Variants in ESAM observed in about 807,000 individuals in gnomAD.
The protein encoded by ESAM is endothelial cell-selective adhesion molecule.
In ESAM, 23 loss-of-function variants were observed where a neutral mutation model predicts 31.8. The observed-to-expected ratio is 0.72, with a 90% confidence interval of 0.52 to 1.03. The LOEUF is 1.03. ESAM is among the 50% of genes least tolerant of loss of function. ESAM has a pLI of 0.00. For missense variants in ESAM, 478 were observed against 488.9 expected (o/e 0.98, Z 0.21); for synonymous variants, 216 against 207.2 (o/e 1.04, Z -0.37).
intron 2 of ESAM, chr11:124,757,580 C>T (rs1591429550): frequency 6.6e-6 from 1 of 151,882 alleles, no homozygotes; most frequent in Non-Finnish European, 1.5e-5. Flanking sequence ...CCCCTTGGCT[C>T]TCAAGGTGGT....
intron 1 of ESAM, among the ~76,000 whole-genome samples, chr11:124,760,851 C>T (rs1349645070): frequency 6.6e-6 from 1 of 152,184 alleles, no homozygotes; most frequent in African/African-American, 2.4e-5. Flanking sequence ...GGGTGGAATG[C>T]AGAAGGAACA....
Position 124,755,551 on chromosome 11 carries a change from G to C in ESAM, c.607+656C>G, listed in dbSNP as rs116763526. ...AGGTAATAAGTAGTATTTTTAAAAA[G>C]AAAAAGCTACTATTATAAAAATGGT... On this transcript the variant is annotated intron_variant, in intron 4 of 6. Transcript: ENST00000278927. Among the ~76,000 whole-genome samples the C allele has an allele frequency of 8.9e-3, 1,346 of 152,090 alleles. 21 individuals are homozygous for C. Among genetic ancestry groups the C allele is most frequent in the African/African-American group, 0.031 (1,275 of 41,488 alleles).
rs555467333 is a variant in ESAM, at chr11:124,753,348, G to A, written c.*298C>T. The A allele has an allele frequency of 7.4e-6, 3 of 407,106 alleles. No homozygotes were observed. Among genetic ancestry groups the A allele is most frequent in the African/African-American group, 4.1e-5 (2 of 48,938 alleles). The allele number at this position is 407,106 out of a possible 1,614,324, so 25.2% of individuals were successfully genotyped here. A position where few individuals can be genotyped will look rare whatever the true frequency, so the allele number is the denominator to read the frequency against. On this transcript the variant is annotated 3_prime_UTR_variant, in exon 7 of 7. Transcript: ENST00000278927. ...ATCAAGGGGGCCTGGGAGACTCAGT[G>A]ACTGGAAGTCTCTGCCCCTCACTCT...
rs1466372501 is a variant in ESAM, at chr11:124,755,629, ATCCAACAGTTGCTAACTTTTTGCC to A, written c.607+554_607+577del. Among the ~76,000 whole-genome samples the A allele has an allele frequency of 1.7e-3, 252 of 152,298 alleles. 2 individuals carry two copies. Among genetic ancestry groups the A allele is most frequent in the African/African-American group, 5.8e-3 (243 of 41,566 alleles). ...GAAAATCCATATTCCCACAACCTAG[ATCCAACAGTTGCTAACTTTTTGCC>A]ATATTTATTTGATTTCTTTCTTTTA... On this transcript the variant is annotated intron_variant, in intron 4 of 6. Transcript: ENST00000278927.
At chr11:124,760,806 G>C (rs1018122859) in intron 1 of ESAM, among the ~76,000 whole-genome samples, 10 of 152,294 alleles carry the variant, frequency 6.6e-5, no homozygotes, top group African/African-American at 9.6e-5. Flanking sequence ...GATTCCCCCA[G>C]CCCCCACCCC....
intron 1 of ESAM, among the ~76,000 whole-genome samples, chr11:124,758,777 A>G (rs1220620089): frequency 6.6e-6 from 1 of 152,126 alleles, no homozygotes; most frequent in East Asian, 1.9e-4. Flanking sequence ...GGACACATTT[A>G]TATGCATTTA....
In ESAM at chr11:124,759,252, C is replaced by G. The variant is rs1384963970; in HGVS notation, c.71-725G>C. 6.6e-6 allele frequency: 1 copy of G among 152,212 alleles called. No homozygotes were observed. The highest frequency in any genetic ancestry group is 1.5e-5 in the Non-Finnish European group (1 of 68,096). The allele number at this position is 152,212 out of a possible 1,614,324, so 9.4% of individuals were successfully genotyped here. A position where few individuals can be genotyped will look rare whatever the true frequency, so the allele number is the denominator to read the frequency against. On this transcript the variant is annotated intron_variant, in intron 1 of 6. Coordinates refer to ENST00000278927, the MANE Select transcript of ESAM (RefSeq NM_138961.3). The surrounding 1 kb of genome is among the most constrained non-coding windows in gnomAD (Gnocchi z 6.8). ...GGGTGGCAAGGAATTAAGGGCAGCG[C>G]GAACGACGGTCTCTAGACAAGTATG...
chr11:124,754,649 A>G lies in ESAM; in HGVS notation c.722T>C (p.Val241Ala), dbSNP rs1944133852. ...ACTTACCCCTCACTGACCTGTGCTC[A>G]CTTCCAGCGTCACATTACATTGGGC... Reference protein sequence around the residue: ...GTAQCNVTLEVSTGPGAAVVA... With the variant: ...GTAQCNVTLEASTGPGAAVVA... Residue 241 changes from valine to alanine, a missense_variant, in exon 5 of 7, where the codon GTG becomes GCG. Transcript: ENST00000278927. This position sits in a 1 kb window ranked among gnomAD's most constrained non-coding sequence, Gnocchi z 4.5. 2 of 1,612,814 alleles carry G rather than the reference A, an allele frequency of 1.2e-6. No individual in the cohort carries two copies. The highest frequency in any genetic ancestry group is 1.7e-6 in the Non-Finnish European group (2 of 1,179,604).
Position 124,756,256 on chromosome 11 carries a change from CTGGT to C in ESAM, c.554_557del (p.Tyr185CysfsTer17). ...GGAAGGATGGAAGCTGCCGATCCCA[CTGGT>C]ATTGGACAGCGGGCTTACTCCTTGG... On this transcript the variant is annotated frameshift_variant, in exon 4 of 7. Coordinates refer to ENST00000278927, the MANE Select transcript of ESAM (RefSeq NM_138961.3). LOFTEE classifies it high-confidence loss of function. 1 of 1,614,200 alleles carries C rather than the reference CTGGT, an allele frequency of 6.2e-7. No individual in the cohort carries two copies. The highest frequency in any genetic ancestry group is 8.5e-7 in the Non-Finnish European group (1 of 1,180,038).
Position 124,753,794 on chromosome 11 carries a change from A to G in ESAM, c.1025T>C (p.Leu342Pro), listed in dbSNP as rs1363883250. The G allele has an allele frequency of 5.0e-6, 8 of 1,613,640 alleles. No homozygotes were observed. In the African/African-American group the frequency reaches 9.3e-5, roughly 19 times the overall value. ...TGTCGTGGGCAGTCTTGGTGAGGGC[A>G]GGGCCTGGCTGGAGAGACTGGGCGT... ...TPTPSLSSQALPSPRLPTTDG... is the reference protein window; with the variant it reads ...TPTPSLSSQAPPSPRLPTTDG... Residue 342 changes from leucine to proline, a missense_variant, in exon 7 of 7, where the codon CTG (leucine) becomes CCG (proline). Coordinates refer to ENST00000278927, the MANE Select transcript of ESAM (RefSeq NM_138961.3).
chr11:124,754,138 A>G lies in ESAM; in HGVS notation c.857+76T>C, dbSNP rs957097897. The stretch of plus-strand genomic sequence containing the variant: ...GCCACTGACCCCATCCCAATAGATG[A>G]GAGCTGCCTGAATTCCCAGCCTCTG... On this transcript the variant is annotated intron_variant, in intron 6 of 6. Transcript: ENST00000278927. This position sits in a 1 kb window ranked among gnomAD's most constrained non-coding sequence, Gnocchi z 4.5. 4.4e-6 allele frequency: 7 copies of G among 1,577,332 alleles called. No homozygotes were observed. The highest frequency in any genetic ancestry group is 3.5e-5 in the Admixed American group (2 of 56,388).
At position 124,753,676 on chromosome 11, in the gene ESAM, A is replaced by C. The variant is rs1249992088; in HGVS notation, c.1143T>G (p.Pro381=). The part of the protein sequence containing the change: ...SRMGAVPVMV[P]AQSQAGSLV The stretch of plus-strand genomic sequence containing the variant: ...CCAGAGAGCCAGCTTGACTCTGGGC[A>C]GGCACCATCACAGGCACAGCACCCA... The change falls in exon 7 of 7, where the codon CCT becomes CCG. Residue 381 remains proline (P), a synonymous_variant. Transcript: ENST00000278927. The C allele has an allele frequency of 1.2e-6, 2 of 1,613,780 alleles. No individual in the cohort carries two copies. Among genetic ancestry groups the C allele is most frequent in the Admixed American group, 1.7e-5 (1 of 60,006 alleles).
At chr11:124,756,945 T>A in intron 2 of ESAM, 1 of 591,010 alleles carries the variant, frequency 1.7e-6, no homozygotes, top group Non-Finnish European at 3.0e-6. Flanking sequence ...GAACAGTTCT[T>A]CGTTCCTGCG....
Position 124,756,670 on chromosome 11 carries a change from TC to T in ESAM, c.321del (p.Asn108ThrfsTer21). On this transcript the variant is annotated frameshift_variant, in exon 3 of 7. Coordinates refer to ENST00000278927, the MANE Select transcript of ESAM (RefSeq NM_138961.3). LOFTEE classifies it high-confidence loss of function. ...AGACCCTCCAGCCGCAGGGACAGGT[TC>T]CGGGAGGGCATGGAGTAGACCAAGG... ...GVSLVYSMPSRNLSLRLEGLQ... is the reference protein window; with the variant it reads ...GVSLVYSMPSXNLSLRLEGLQ... The T allele has an allele frequency of 6.2e-7, 1 of 1,614,136 alleles. No individual in the cohort carries two copies. Among genetic ancestry groups the T allele is most frequent in the Non-Finnish European group, 8.5e-7 (1 of 1,180,028 alleles).
chr11:124,758,211 G>A (rs1944179106), intron 2 of ESAM, 138 bp downstream of exon 2: 1 of 942,668 alleles, frequency 1.1e-6, no homozygotes, highest in African/African-American at 1.6e-5. Flanking sequence ...AAACTGAACT[G>A]GTGAAGACTT....
In ESAM at chr11:124,754,037, A is replaced by C. The variant is rs1007694296; in HGVS notation, c.858-76T>G. On this transcript the variant is annotated intron_variant, in intron 6 of 6. Transcript: ENST00000278927. The surrounding 1 kb of genome is among the most constrained non-coding windows in gnomAD (Gnocchi z 4.5). ...AGAGAGTTTCTACCTGCTTGGTCTT[A>C]TATACCACCTCTGCCTGCACACTTC... 6.4e-7 allele frequency: 1 copy of C among 1,573,134 alleles called. No homozygotes were observed. The highest frequency in any genetic ancestry group is 1.3e-5 in the African/African-American group (1 of 74,180).
At chr11:124,757,798 A>G (rs2134460450) in intron 2 of ESAM, among the ~76,000 whole-genome samples, 1 of 151,484 alleles carries the variant, frequency 6.6e-6, no homozygotes, top group East Asian at 2.0e-4. Context: ...TGTGGATTCA[A>G]GCAATTCTCT....
Position 124,753,574 on chromosome 11 carries a change from G to A in ESAM, c.*72C>T. 2 of 1,535,652 alleles carry A rather than the reference G, an allele frequency of 1.3e-6. No homozygotes were observed. Among genetic ancestry groups the A allele is most frequent in the South Asian group, 1.1e-5 (1 of 87,760 alleles). The stretch of plus-strand genomic sequence containing the variant: ...AGTGTGACTCTTTCCCATGACTCAG[G>A]CCTCTGTGCTAGAGGTGACCCTTAT... On this transcript the variant is annotated 3_prime_UTR_variant, in exon 7 of 7. Coordinates refer to ENST00000278927, the MANE Select transcript of ESAM (RefSeq NM_138961.3).
chr11:124,759,678 G>A lies in ESAM; in HGVS notation c.71-1151C>T, dbSNP rs995703097. ...GGCCAGGATGCAAGCCTCCCCCACC[G>A]CTTCCCGGCTGCGCCGTACAGAACC... On this transcript the variant is annotated intron_variant, in intron 1 of 6. Coordinates refer to ENST00000278927, the MANE Select transcript of ESAM (RefSeq NM_138961.3). The surrounding 1 kb of genome is among the most constrained non-coding windows in gnomAD (Gnocchi z 6.8). 5.9e-5 allele frequency among the ~76,000 whole-genome samples: 9 copies of A among 152,188 alleles called. No homozygotes were observed. Among genetic ancestry groups the A allele is most frequent in the African/African-American group, 2.2e-4 (9 of 41,448 alleles).
Sources: allele counts gnomAD v4.1 joint callset (sites outside exome capture counted in the v4.1 genomes callset), GRCh38; gene constraint gnomAD v4.1.1; non-coding constraint Gnocchi (gnomAD v3.1); transcripts MANE v1.5; gene names NCBI Gene and HGNC (gene_info 2026-07-23, HGNC 2026-07-21).